Variants in COL27A1 observed in about 807,000 individuals in gnomAD.
The protein encoded by COL27A1 is collagen type XXVII alpha 1 chain.
A neutral mutation model predicts 251.3 loss-of-function variants in COL27A1; 106 were observed. The observed-to-expected ratio is 0.42, with a 90% CI of 0.36 to 0.50. The LOEUF is 0.50. Ranked by LOEUF, COL27A1 falls within the 20% of genes least tolerant of loss-of-function variation. The pLI is 0.00. For synonymous variants in COL27A1, 1,000 were observed against 986.3 expected (o/e 1.01, Z -0.26); for missense variants, 2,325 against 2,522.8 (o/e 0.92, Z 1.68).
chr9:114,231,121 A>G lies in COL27A1; in HGVS notation c.2509A>G (p.Lys837Glu), dbSNP rs757835750. Residue 837 changes from lysine (K) to glutamate (E), a missense_variant, in exon 15 of 61, where the codon AAG becomes GAG. By Grantham distance (56) the Lys-to-Glu change is moderately conservative. Coordinates refer to ENST00000356083, the MANE Select transcript of COL27A1 (RefSeq NM_032888.4). ...GGGTCCGATTGGCTACCCGGGACCCAAGGGCATGAAGGTAAGCAAGGGATG... is the reference window on the plus strand; with the variant it reads ...GGGTCCGATTGGCTACCCGGGACCCGAGGGCATGAAGGTAAGCAAGGGATG... Reference protein sequence around the residue: ...VLGPIGYPGPKGMKGLMGSVG... With the variant: ...VLGPIGYPGPEGMKGLMGSVG... 3 of 1,613,556 alleles carry G rather than the reference A, an allele frequency of 1.9e-6. No individual in the cohort carries two copies. Among genetic ancestry groups the G allele is most frequent in the Admixed American group, 3.3e-5 (2 of 59,982 alleles).
At position 114,196,129 on chromosome 9, in the gene COL27A1, G is replaced by A; in HGVS notation, c.2124+117G>A. The A allele has an allele frequency of 1.1e-5, 10 of 891,530 alleles. No homozygotes were observed. In the South Asian group the frequency reaches 1.3e-4, roughly 12 times the overall value. The allele number at this position is 891,530 out of a possible 1,614,324, so 55.2% of individuals were successfully genotyped here. A position where few individuals can be genotyped will look rare whatever the true frequency, so the allele number is the denominator to read the frequency against. The stretch of plus-strand genomic sequence containing the variant: ...CCCCAGCCCCAGCCCAGCTCCCCTG[G>A]GCACAGGGTACATGGGTGAGAGGTG... On this transcript the variant is annotated intron_variant, in intron 7 of 60. Coordinates refer to ENST00000356083, the MANE Select transcript of COL27A1 (RefSeq NM_032888.4).
chr9:114,187,805 T>TA (rs945085220), intron 5 of COL27A1, among the ~76,000 whole-genome samples: 38 of 151,848 alleles, frequency 2.5e-4, no homozygotes, highest in Non-Finnish European at 3.5e-4. Flanking sequence ...ACTCCATTAG[T>TA]AAAAAAAAAT....
intron 25 of COL27A1, among the ~76,000 whole-genome samples, chr9:114,251,685 G>A (rs185899551): frequency 3.7e-4 from 56 of 152,180 alleles, no homozygotes; most frequent in East Asian, 1.7e-3. Context: ...CATTGACTGC[G>A]CCATTCCCTT....
At chr9:114,157,313 T>C (rs1848190856) in intron 1 of COL27A1, among the ~76,000 whole-genome samples, 1 of 152,198 alleles carries the variant, frequency 6.6e-6, no homozygotes, top group Non-Finnish European at 1.5e-5. Flanking sequence ...GACATCACGT[T>C]GTCCTGCATC....
At chr9:114,203,233 G>A (rs754868663) in intron 7 of COL27A1, among the ~76,000 whole-genome samples, 5 of 152,166 alleles carry the variant, frequency 3.3e-5, no homozygotes, top group African/African-American at 1.2e-4. Context: ...GAATGGTGCT[G>A]GAGCATGAAA....
intron 12 of COL27A1, 113 bp from the exon 13 acceptor site, chr9:114,219,678 A>C: frequency 1.3e-6 from 1 of 756,822 alleles, no homozygotes; most frequent in Non-Finnish European, 2.4e-6. Context: ...ATGACCAAGG[A>C]GTGAGACTGC....
chr9:114,300,146 G>C, intron 50 of COL27A1, 23 bp downstream of exon 50: 1 of 1,608,742 alleles, frequency 6.2e-7, no homozygotes, highest in Non-Finnish European at 8.5e-7. Context: ...ACGGCTCACT[G>C]TTCCTGTGGG....
At chr9:114,166,368 A>AATCCATCC (rs377695234) in intron 2 of COL27A1, among the ~76,000 whole-genome samples, 24 of 37,142 alleles carry the variant, frequency 6.5e-4, no homozygotes, top group East Asian at 2.6e-3. Context: ...TCCATCCATC[A>AATCCATCC]ATCCATCCAT....
intron 35 of COL27A1, 31 bp from the exon 36 acceptor site, chr9:114,270,697 T>G (rs1588837642): frequency 6.3e-7 from 1 of 1,578,906 alleles, no homozygotes; most frequent in East Asian, 2.2e-5. Flanking sequence ...CCCAGTAACA[T>G]CTCCTCCTCT....
intron 5 of COL27A1, among the ~76,000 whole-genome samples, chr9:114,192,658 C>A (rs1342335135): frequency 6.6e-6 from 1 of 152,192 alleles, no homozygotes; most frequent in Non-Finnish European, 1.5e-5. Flanking sequence ...AAGGCCAGCC[C>A]AGGCTGGGAC....
intron 12 of COL27A1, among the ~76,000 whole-genome samples, chr9:114,212,850 A>G (rs756472539): frequency 7.9e-5 from 12 of 152,238 alleles, no homozygotes; most frequent in Non-Finnish European, 1.8e-4. Flanking sequence ...CACTAAGCCA[A>G]TGACTTCACC....
In COL27A1 at chr9:114,311,548, G is replaced by GAAAAAAAAAAAAAAAAAAAGAA. The variant is rs56094843; in HGVS notation, c.*870_*871insAAGAAAAAAAAAAAAAAAAAAA. 4.2e-5 allele frequency: 4 copies of GAAAAAAAAAAAAAAAAAAAGAA among 96,162 alleles called. No individual in the cohort carries two copies. Among genetic ancestry groups the GAAAAAAAAAAAAAAAAAAAGAA allele is most frequent in the East Asian group, 2.4e-4 (1 of 4,220 alleles). 6.0% of individuals were successfully genotyped at this position (96,162 alleles called of 1,614,324 possible). A position where few individuals can be genotyped will look rare whatever the true frequency, so the allele number is the denominator to read the frequency against. On this transcript the variant is annotated 3_prime_UTR_variant, in exon 61 of 61. Transcript: ENST00000356083. ...AGGAGGAAAAAAGAAAAGAAAAAAG[G>GAAAAAAAAAAAAAAAAAAAGAA]AAAAAAAAAAAAAAAAAGCAAAACA...
At chr9:114,234,349 G>T (rs899080647) in intron 16 of COL27A1, among the ~76,000 whole-genome samples, 6 of 151,890 alleles carry the variant, frequency 4.0e-5, no homozygotes, top group Admixed American at 2.0e-4. Flanking sequence ...TACTAAGGAA[G>T]TTCTTTTGTT....
At chr9:114,243,647 C>A in intron 23 of COL27A1, 87 bp downstream of exon 23, 2 of 1,145,912 alleles carry the variant, frequency 1.7e-6, no homozygotes, top group Non-Finnish European at 2.5e-6. Context: ...AATCCCATGG[C>A]CAGTTGTGAA....
At chr9:114,203,697 C>G (rs140944634) in intron 7 of COL27A1, among the ~76,000 whole-genome samples, 117 of 152,250 alleles carry the variant, frequency 7.7e-4, no homozygotes, top group South Asian at 1.7e-3. Context: ...CAAACTGACT[C>G]TGCTGTTTAT....
At position 114,219,798 on chromosome 9, in the gene COL27A1, C is replaced by T. The variant is rs777377847; in HGVS notation, c.2375C>T (p.Pro792Leu). Residue 792 changes from proline (P) to leucine (L), a missense_variant, in exon 13 of 61, where the codon CCT becomes CTT. Coordinates refer to ENST00000356083, the MANE Select transcript of COL27A1 (RefSeq NM_032888.4). The part of the protein sequence containing the change: ...KRGKMGMPGF[P>L]GVFGERGPPG... ...CTCTCTCATGCCCTCCAGGGGTTTC[C>T]TGGAGTCTTTGGGGAAAGAGGCCCT... is the stretch of plus-strand genomic sequence containing the variant. The T allele has an allele frequency of 4.3e-6, 7 of 1,609,950 alleles. No individual in the cohort carries two copies. In the East Asian group the frequency reaches 1.6e-4, roughly 36 times the overall value.
intron 6 of COL27A1, among the ~76,000 whole-genome samples, 157 bp from the exon 7 acceptor site, chr9:114,195,802 C>G (rs1829081669): frequency 6.6e-6 from 1 of 152,172 alleles, no homozygotes; most frequent in Non-Finnish European, 1.5e-5. Context: ...ACTCTTCTTG[C>G]TGGGCAGCCC....
intron 29 of COL27A1, 115 bp downstream of exon 29, chr9:114,264,523 A>T: frequency 1.3e-6 from 1 of 793,312 alleles, no homozygotes; most frequent in Non-Finnish European, 1.9e-6. Context: ...AGGGAGCCCC[A>T]TGGAGGCTGC....
chr9:114,265,305 T>C lies in COL27A1; in HGVS notation c.3340-117T>C, dbSNP rs563799685. 3.4e-6 allele frequency: 4 copies of C among 1,187,316 alleles called. No individual in the cohort carries two copies. In the South Asian group the frequency reaches 4.1e-5, roughly 12 times the overall value. The allele number at this position is 1,187,316 out of a possible 1,614,324, so 73.5% of individuals were successfully genotyped here. ...TCTTCTCTGGGTCTCAGCCTTCCCA[T>C]CTGTCACCCGGTGTGGGAGGAGGGG... is the stretch of plus-strand genomic sequence containing the variant. On this transcript the variant is annotated intron_variant, in intron 31 of 60. Transcript: ENST00000356083.
Sources: gnomAD v4.1 joint callset for allele counts (sites outside exome capture counted in the v4.1 genomes callset) on GRCh38, gnomAD v4.1.1 for gene constraint, MANE v1.5 for transcripts, NCBI Gene and HGNC (gene_info 2026-07-23, HGNC 2026-07-21) for gene names.